DENND1A: variants seen among roughly 807,000 people sequenced by gnomAD.
The protein encoded by DENND1A is DENN domain containing 1A.
Under a neutral mutation model 113.7 loss-of-function variants are expected in DENND1A, and 51 were observed. The observed-to-expected ratio is 0.45, with a 90% confidence interval of 0.36 to 0.57. The LOEUF is 0.57. Among genes scored for constraint, DENND1A ranks in the 20% least tolerant of loss-of-function variants. The pLI, the probability that DENND1A is intolerant of heterozygous loss-of-function variation, is 0.00. For synonymous variants in DENND1A, 565 were observed against 570.8 expected, an observed-to-expected ratio of 0.99 and a Z score of 0.14; for missense variants, 1,258 against 1,395.9, an observed-to-expected ratio of 0.90 and a Z score of 1.57.
At chr9:123,874,959 T>A (rs115756547) in intron 2 of DENND1A, among the ~76,000 whole-genome samples, 3,606 of 152,300 alleles carry the variant, frequency 0.024, 137 homozygotes, top group African/African-American at 0.081. Flanking sequence ...TAGCATGGCT[T>A]ATAGTAGCCA....
intron 9 of DENND1A, among the ~76,000 whole-genome samples, chr9:123,651,422 ACT>A (rs1017765556): frequency 1.3e-5 from 2 of 151,994 alleles, no homozygotes; most frequent in Non-Finnish European, 2.9e-5. Context: ...GCACACACAC[ACT>A]CTCTCTCTTT....
At chr9:123,403,647 C>T in intron 20 of DENND1A, 157 bp from the exon 21 acceptor site, 1 of 644,066 alleles carries the variant, frequency 1.6e-6, no homozygotes, top group South Asian at 1.8e-5. Flanking sequence ...GAAACATCAC[C>T]ATCTAATAGG....
At chr9:123,773,396 C>T (rs1372564446) in intron 3 of DENND1A, among the ~76,000 whole-genome samples, 4 of 152,244 alleles carry the variant, frequency 2.6e-5, no homozygotes, top group South Asian at 2.1e-4. Context: ...AATTCTCATC[C>T]GGTCAGAAGG....
At chr9:123,645,741 A>G (rs2062285801) in intron 9 of DENND1A, among the ~76,000 whole-genome samples, 1 of 152,214 alleles carries the variant, frequency 6.6e-6, no homozygotes, top group African/African-American at 2.4e-5. Context: ...AGATTTCAAA[A>G]CAAAACAAAA....
chr9:123,720,768 T>C (rs764374396), intron 5 of DENND1A, among the ~76,000 whole-genome samples: 1 of 152,224 alleles, frequency 6.6e-6, no homozygotes, highest in Admixed American at 6.5e-5. Flanking sequence ...CCTGCTGCCA[T>C]CCAGCATGCG....
At chr9:123,701,556 C>A (rs985982134) in intron 5 of DENND1A, among the ~76,000 whole-genome samples, 2 of 152,176 alleles carry the variant, frequency 1.3e-5, no homozygotes, top group African/African-American at 4.8e-5. Context: ...AGCTTCTAGA[C>A]CCACCCCAGC....
chr9:123,689,310 C>CCACT (rs2065019353), intron 5 of DENND1A, among the ~76,000 whole-genome samples: 2 of 152,312 alleles, frequency 1.3e-5, no homozygotes, highest in South Asian at 4.2e-4. Flanking sequence ...AAGGTGTGAG[C>CCACT]CACTGCACCT....
At chr9:123,925,554 C>T (rs1378288018) in intron 1 of DENND1A, among the ~76,000 whole-genome samples, 1 of 152,152 alleles carries the variant, frequency 6.6e-6, no homozygotes, top group East Asian at 1.9e-4. Context: ...GTGTCCACTA[C>T]TTTAGAAAGC....
chr9:123,583,048 T>C, intron 12 of DENND1A, 121 bp downstream of exon 12: 1 of 697,532 alleles, frequency 1.4e-6, no homozygotes, highest in Non-Finnish European at 2.4e-6. Flanking sequence ...AGAAACAAAC[T>C]GCAGTTCTCA....
chr9:123,839,156 A>G (rs116158162), intron 2 of DENND1A, among the ~76,000 whole-genome samples: 17 of 152,348 alleles, frequency 1.1e-4, no homozygotes, highest in African/African-American at 2.4e-4. Context: ...AAGATCATAT[A>G]GACCACTTTG....
intron 2 of DENND1A, among the ~76,000 whole-genome samples, chr9:123,819,900 T>C (rs1838187956): frequency 6.6e-6 from 1 of 152,204 alleles, no homozygotes; most frequent in Admixed American, 6.5e-5. Flanking sequence ...AATCTTCAAA[T>C]AAATAATTAT....
At chr9:123,449,859 G>A (rs746789545) in intron 18 of DENND1A, among the ~76,000 whole-genome samples, 1 of 152,136 alleles carries the variant, frequency 6.6e-6, no homozygotes, top group African/African-American at 2.4e-5. Context: ...TGGGAAGGGG[G>A]TGAGGGATAA....
chr9:123,842,127 G>T (rs1841929478), intron 2 of DENND1A, among the ~76,000 whole-genome samples: 1 of 152,206 alleles, frequency 6.6e-6, no homozygotes, highest in Non-Finnish European at 1.5e-5. Context: ...ATGCTCAGCT[G>T]CCCTTTGAAA....
intron 1 of DENND1A, among the ~76,000 whole-genome samples, chr9:123,909,881 T>C (rs977121737): frequency 6.6e-6 from 1 of 152,154 alleles, no homozygotes; most frequent in Non-Finnish European, 1.5e-5. Flanking sequence ...TGTATTTCTA[T>C]ATGCTAGTAA....
At chr9:123,927,126 A>T (rs1857255662) in intron 1 of DENND1A, among the ~76,000 whole-genome samples, 1 of 152,226 alleles carries the variant, frequency 6.6e-6, no homozygotes, top group Admixed American at 6.5e-5. Context: ...GAAATGGTTC[A>T]CATTAAGGAT....
At position 123,452,162 on chromosome 9, in the gene DENND1A, C is replaced by G; in HGVS notation, c.1299+114G>C. ...TGAGCTGTGATTGCACCACTGCACT[C>G]CAGCCTGGGCAACAGAGCAAGACCC... On this transcript the variant is annotated intron_variant, in intron 17 of 23. Coordinates refer to ENST00000394215, the MANE Select transcript of DENND1A (RefSeq NM_001352964.2). The G allele has an allele frequency of 5.0e-6, 5 of 994,038 alleles. No homozygotes were observed. The South Asian group carries it at 7.4e-5, about 15-fold the overall frequency. 61.6% of individuals were successfully genotyped at this position (994,038 alleles called of 1,614,324 possible).
chr9:123,923,766 T>A (rs1196068809), intron 1 of DENND1A, among the ~76,000 whole-genome samples: 1 of 151,804 alleles, frequency 6.6e-6, no homozygotes, highest in African/African-American at 2.4e-5. Flanking sequence ...TAGAAACCTA[T>A]CTCCGTCTAC....
intron 3 of DENND1A, among the ~76,000 whole-genome samples, chr9:123,781,390 G>A (rs1264927724): frequency 6.6e-6 from 1 of 152,154 alleles, no homozygotes; most frequent in Non-Finnish European, 1.5e-5. Context: ...CATCTGCCTT[G>A]TGATGAGAAA....
intron 13 of DENND1A, among the ~76,000 whole-genome samples, chr9:123,477,572 A>T (rs1195503864): frequency 1.3e-5 from 2 of 151,334 alleles, no homozygotes; most frequent in East Asian, 3.9e-4. Flanking sequence ...GGAACAACAC[A>T]CTCTGGGGCC....
Sources: gnomAD v4.1 joint callset for allele counts (sites outside exome capture counted in the v4.1 genomes callset) on GRCh38, gnomAD v4.1.1 for gene constraint, MANE v1.5 for transcripts, NCBI Gene and HGNC (gene_info 2026-07-23, HGNC 2026-07-21) for gene names.